BLTP3B: variants seen among roughly 807,000 people sequenced by gnomAD.
The protein encoded by BLTP3B is UHRF1 (ICBP90) binding protein 1-like.
the BLTP3B span, among the ~76,000 whole-genome samples, chr12:100,131,339 G>T: frequency 5.3e-5 from 8 of 150,542 alleles, no homozygotes; most frequent in African/African-American, 1.9e-4. Flanking sequence ...TTAATTTAAA[G>T]TTTTAAAATA....
the BLTP3B span, among the ~76,000 whole-genome samples, chr12:100,107,401 G>C: frequency 6.6e-6 from 1 of 151,290 alleles, no homozygotes; most frequent in African/African-American, 2.4e-5. Flanking sequence ...AAAATGGGCT[G>C]GGCACGGGCG....
At chr12:100,121,354 G>GA in the BLTP3B span, among the ~76,000 whole-genome samples, 17,237 of 96,698 alleles carry the variant, frequency 0.18, 1,877 homozygotes, top group East Asian at 0.63. Context: ...CCATCTCATG[G>GA]AAAAAAAAAA....
the BLTP3B span, among the ~76,000 whole-genome samples, chr12:100,133,367 C>T: frequency 6.6e-6 from 1 of 152,144 alleles, no homozygotes; most frequent in African/African-American, 2.4e-5. Context: ...AATGCTGAGT[C>T]AAAACATTAT....
the BLTP3B span, chr12:100,051,374 T>C: frequency 3.4e-6 from 2 of 581,688 alleles, no homozygotes; most frequent in Non-Finnish European, 5.5e-6. Context: ...TAGATTGTAA[T>C]TAGTTAGCAA....
chr12:100,130,662 TC>T, the BLTP3B span, among the ~76,000 whole-genome samples: 2,110 of 152,278 alleles, frequency 0.014, 18 homozygotes, highest in Non-Finnish European at 0.021. Context: ...ATGCCTGTAA[TC>T]CCAGCACTTT....
chr12:100,109,428 G>A, the BLTP3B span, among the ~76,000 whole-genome samples: 5 of 152,018 alleles, frequency 3.3e-5, no homozygotes, highest in African/African-American at 1.2e-4. Context: ...TTTATTGTAC[G>A]TTTTAAAGTA....
the BLTP3B span, among the ~76,000 whole-genome samples, chr12:100,124,953 T>G: frequency 6.0e-5 from 5 of 83,358 alleles, no homozygotes; most frequent in Admixed American, 1.2e-4. Flanking sequence ...TATATATATA[T>G]ATATATATAT....
the BLTP3B span, among the ~76,000 whole-genome samples, chr12:100,063,311 A>G: frequency 6.6e-6 from 1 of 152,198 alleles, no homozygotes; most frequent in Non-Finnish European, 1.5e-5. Flanking sequence ...GACAACCCCC[A>G]GTACCAGCCC....
the BLTP3B span, among the ~76,000 whole-genome samples, chr12:100,052,760 A>G: frequency 6.6e-6 from 1 of 151,434 alleles, no homozygotes; most frequent in African/African-American, 2.4e-5. Flanking sequence ...AACATGATCA[A>G]ATCTATGTTG....
At chr12:100,116,916 A>G in the BLTP3B span, among the ~76,000 whole-genome samples, 1 of 152,220 alleles carries the variant, frequency 6.6e-6, no homozygotes, top group Admixed American at 6.5e-5. Flanking sequence ...CCAATATAAA[A>G]ATAAATCAGT....
the BLTP3B span, among the ~76,000 whole-genome samples, chr12:100,065,504 T>G: frequency 2.0e-4 from 30 of 152,114 alleles, no homozygotes; most frequent in Non-Finnish European, 1.5e-5. Flanking sequence ...GGGAAAGGAA[T>G]TGCATTCCTG....
chr12:100,072,754 T>A, the BLTP3B span: 3 of 1,607,530 alleles, frequency 1.9e-6, no homozygotes, highest in African/African-American at 2.7e-5. Context: ...GATATAGGGA[T>A]TTTTTATTGC....
the BLTP3B span, among the ~76,000 whole-genome samples, chr12:100,055,152 G>A: frequency 5.3e-5 from 8 of 151,746 alleles, no homozygotes; most frequent in African/African-American, 1.9e-4. Flanking sequence ...TTAAGAAGAC[G>A]TGTTTGTGTC....
the BLTP3B span, chr12:100,086,277 G>A: frequency 6.9e-7 from 1 of 1,441,314 alleles, no homozygotes; most frequent in Non-Finnish European, 9.2e-7. Context: ...ATACACACCT[G>A]CTTTATGATA....
the BLTP3B span, among the ~76,000 whole-genome samples, chr12:100,136,432 T>C: frequency 6.6e-6 from 1 of 152,170 alleles, no homozygotes; most frequent in Non-Finnish European, 1.5e-5. Flanking sequence ...CTTCTTATAT[T>C]AGAATAGGAA....
chr12:100,081,384 G>T, the BLTP3B span, among the ~76,000 whole-genome samples: 5 of 152,156 alleles, frequency 3.3e-5, no homozygotes, highest in African/African-American at 1.2e-4. Context: ...TCCCAAAGTT[G>T]TAGTTGGTGT....
the BLTP3B span, among the ~76,000 whole-genome samples, chr12:100,122,290 A>G: frequency 6.6e-6 from 1 of 152,168 alleles, no homozygotes; most frequent in African/African-American, 2.4e-5. Context: ...ACTACAAAGA[A>G]TATCAAATAA....
chr12:100,073,910 A>G, the BLTP3B span, among the ~76,000 whole-genome samples: 1 of 152,182 alleles, frequency 6.6e-6, no homozygotes, highest in South Asian at 2.1e-4. Context: ...CACAGCTAAT[A>G]TCGTTCTGAA....
chr12:100,076,748 T>C, the BLTP3B span, among the ~76,000 whole-genome samples: 1 of 152,216 alleles, frequency 6.6e-6, no homozygotes, highest in African/African-American at 2.4e-5. Context: ...TCAAGTCAGT[T>C]CCTTACAGTA....
Sources: allele counts gnomAD v4.1 joint callset (sites outside exome capture counted in the v4.1 genomes callset), GRCh38; gene constraint gnomAD v4.1.1; transcripts MANE v1.5; gene names NCBI Gene and HGNC (gene_info 2026-07-23, HGNC 2026-07-21).